MGAT4D: variants seen among roughly 807,000 people sequenced by gnomAD.
MGAT4D encodes MGAT4 family member D, also known as alpha-1,3-mannosyl-glycoprotein 4-beta-N-acetylglucosaminyltransferase-like protein MGAT4D.
In MGAT4D, 34 loss-of-function variants were observed where a neutral mutation model predicts 15.9. The observed-to-expected ratio is 2.14, with a 90% CI of 1.62 to 2.84. MGAT4D has a LOEUF of 2.84. Ranked by LOEUF, MGAT4D falls within the 30% of genes most tolerant of loss-of-function variation. The pLI is 0.00. For missense variants in MGAT4D, 327 were observed against 140.2 expected (o/e 2.33, Z -6.73); for synonymous variants, 112 against 48.2 (o/e 2.33, Z -5.49).
chr4:140,472,118 T>G (rs981605891), intron 4 of MGAT4D, among the ~76,000 whole-genome samples: 1 of 152,124 alleles, frequency 6.6e-6, no homozygotes. Flanking sequence ...TAAAATATTA[T>G]ATATCTAAAG....
chr4:140,486,307 C>T (rs1733125553), intron 1 of MGAT4D, among the ~76,000 whole-genome samples: 1 of 152,118 alleles, frequency 6.6e-6, no homozygotes, highest in Admixed American at 6.5e-5. Flanking sequence ...CTCAGGGAAG[C>T]CTACCCTGCC....
intron 1 of MGAT4D, among the ~76,000 whole-genome samples, chr4:140,486,459 T>C (rs1212198150): frequency 6.6e-6 from 1 of 152,108 alleles, no homozygotes; most frequent in Non-Finnish European, 1.5e-5. Flanking sequence ...TCATCTACAT[T>C]AGGTATTTCT....
At chr4:140,446,614 A>G (rs115892471) in intron 10 of MGAT4D, among the ~76,000 whole-genome samples, 2,059 of 152,018 alleles carry the variant, frequency 0.014, 47 homozygotes, top group African/African-American at 0.047. Context: ...ATTTCTTTGA[A>G]GAACCAACTC....
At chr4:140,444,218 TA>T (rs1560758021) in intron 10 of MGAT4D, among the ~76,000 whole-genome samples, 1 of 152,110 alleles carries the variant, frequency 6.6e-6, no homozygotes, top group Non-Finnish European at 1.5e-5. Flanking sequence ...GTATTTTTTT[TA>T]AAAAAGCTTT....
At chr4:140,459,695 G>C (rs768910834) in intron 7 of MGAT4D, 69 bp from the exon 8 acceptor site, 22 of 338,140 alleles carry the variant, frequency 6.5e-5, no homozygotes, top group Non-Finnish European at 1.0e-4. Flanking sequence ...ATATTAGCTT[G>C]AAAATAAAAA....
chr4:140,475,023 T>A (rs1281164077), intron 3 of MGAT4D, 77 bp from the exon 4 acceptor site: 1 of 467,050 alleles, frequency 2.1e-6, no homozygotes, highest in Non-Finnish European at 3.8e-6. Flanking sequence ...CTATGCTTAT[T>A]CCTATGTTTG....
chr4:140,476,692 G>T (rs1357507137), intron 3 of MGAT4D, among the ~76,000 whole-genome samples: 1 of 151,950 alleles, frequency 6.6e-6, no homozygotes, highest in African/African-American at 2.4e-5. Flanking sequence ...CTCTTACCTC[G>T]AAGCCTTTGC....
chr4:140,487,026 A>C (rs530362983), intron 1 of MGAT4D, among the ~76,000 whole-genome samples: 1 of 152,330 alleles, frequency 6.6e-6, no homozygotes, highest in East Asian at 1.9e-4. Flanking sequence ...AATTTGGTAA[A>C]CATGAAAAGA....
At chr4:140,450,221 A>G (rs549335355) in intron 10 of MGAT4D, 5 of 246,820 alleles carry the variant, frequency 2.0e-5, no homozygotes, top group African/African-American at 8.8e-5. Flanking sequence ...TCAAAAGGAA[A>G]AAAGCCAGCA....
intron 3 of MGAT4D, among the ~76,000 whole-genome samples, chr4:140,478,116 G>A (rs1279497532): frequency 2.0e-5 from 3 of 152,092 alleles, no homozygotes; most frequent in Non-Finnish European, 4.4e-5. Flanking sequence ...GCCACCAAAA[G>A]GGCCTCAAAA....
intron 3 of MGAT4D, among the ~76,000 whole-genome samples, chr4:140,478,174 G>T (rs543267573): frequency 6.6e-6 from 1 of 152,100 alleles, no homozygotes; most frequent in Non-Finnish European, 1.5e-5. Context: ...AATTGTTGGG[G>T]AATTAGAAAA....
intron 10 of MGAT4D, among the ~76,000 whole-genome samples, chr4:140,446,618 C>T (rs1730139205): frequency 1.3e-5 from 2 of 151,864 alleles, no homozygotes; most frequent in African/African-American, 4.8e-5. Flanking sequence ...CTTTGAAGAA[C>T]CAACTCCTGG....
At chr4:140,494,784 T>C (rs553987606) in intron 1 of MGAT4D, among the ~76,000 whole-genome samples, 1 of 152,000 alleles carries the variant, frequency 6.6e-6, no homozygotes, top group South Asian at 2.1e-4. Context: ...GGAGAGGGGG[T>C]GTTGCTCCTG....
intron 4 of MGAT4D, among the ~76,000 whole-genome samples, 185 bp from the exon 5 acceptor site, chr4:140,472,006 A>T (rs1480427002): frequency 6.6e-6 from 1 of 152,112 alleles, no homozygotes; most frequent in Non-Finnish European, 1.5e-5. Flanking sequence ...TTTGACTTGA[A>T]TACAGGAAAT....
At chr4:140,498,044 C>A in intron 1 of MGAT4D, 85 bp downstream of exon 1, 1 of 624,608 alleles carries the variant, frequency 1.6e-6, no homozygotes. Context: ...CGCCTCCGCA[C>A]CCGCCGACCC....
rs893430791 is a variant in MGAT4D, at chr4:140,479,545, T to C, written c.336A>G (p.Leu112=). 1.8e-6 allele frequency: 1 copy of C among 557,034 alleles called. No individual in the cohort carries two copies. Among genetic ancestry groups the C allele is most frequent in the East Asian group, 3.3e-5 (1 of 30,284 alleles). 34.5% of individuals were successfully genotyped at this position (557,034 alleles called of 1,614,324 possible). ...CAGGATAAATTCTACCTTCTTTCCT[T>C]AGATGAGGAAAAAAGAACTTTAAGT... ...FEDLKFFFPH[L]RKEGRIYPDV... is the part of the protein sequence containing the mutation. Residue 112 remains leucine (L), a synonymous_variant, in exon 3 of 11, where the codon CTA becomes CTG. Transcript: ENST00000511113.
rs754412687 is a variant in MGAT4D, at chr4:140,443,448, A to AC, written c.1117-5_1117-4insG. 1.8e-6 allele frequency: 1 copy of AC among 543,608 alleles called. No individual in the cohort carries two copies. Among genetic ancestry groups the AC allele is most frequent in the South Asian group, 2.2e-5 (1 of 45,226 alleles). The allele number at this position is 543,608 out of a possible 1,614,324, so 33.7% of individuals were successfully genotyped here. On this transcript the variant is annotated splice_region_variant and splice_polypyrimidine_tract_variant and intron_variant, in intron 10 of 10. Transcript: ENST00000511113. Reference sequence around the variant, plus strand: ...TTCTTATTTATCTTCATATTTTCTGAAATGAAAACAAAAAATGTAACATCT... The same window carrying AC: ...TTCTTATTTATCTTCATATTTTCTGACAATGAAAACAAAAAATGTAACATCT...
chr4:140,466,161 CAGA>C (rs55957814), intron 5 of MGAT4D, among the ~76,000 whole-genome samples: 29,313 of 151,930 alleles, frequency 0.19, 2,873 homozygotes, highest in South Asian at 0.28. Flanking sequence ...GATGAAAGTG[CAGA>C]AGGTGAATGC....
chr4:140,497,329 A>G (rs2110752503), intron 1 of MGAT4D, among the ~76,000 whole-genome samples: 1 of 152,354 alleles, frequency 6.6e-6, no homozygotes, highest in Non-Finnish European at 1.5e-5. Flanking sequence ...CACCGCGGAC[A>G]ACTAGGGTTA....
Sources: allele counts gnomAD v4.1 joint callset (sites outside exome capture counted in the v4.1 genomes callset), GRCh38; gene constraint gnomAD v4.1.1; transcripts MANE v1.5; gene names NCBI Gene and HGNC (gene_info 2026-07-23, HGNC 2026-07-21).